BRI3BP: variants seen among roughly 807,000 people sequenced by gnomAD.
The protein encoded by BRI3BP is BRI3-binding protein.
BRI3BP carries 7 observed loss-of-function variants against 15.8 expected under a neutral mutation model. The ratio of observed to expected loss-of-function variants is 0.44; its 90% CI spans 0.25 to 0.83. The LOEUF (loss-of-function observed/expected upper bound fraction) is 0.83, where lower values mean the gene tolerates loss of function less well. Ranked by LOEUF, BRI3BP falls within the 40% of genes least tolerant of loss-of-function variation. The probability of loss-of-function intolerance (pLI) is 0.20; values close to 1 mark genes in which losing one functional copy is unlikely to be tolerated. For missense variants in BRI3BP, 320 were observed against 339.3 expected (o/e 0.94, Z 0.45); for synonymous variants, 192 against 163.5 (o/e 1.17, Z -1.33).
At chr12:125,002,549 G>C (rs11057974) in intron 1 of BRI3BP, among the ~76,000 whole-genome samples, 1 of 150,414 alleles carries the variant, frequency 6.6e-6, no homozygotes, top group Non-Finnish European at 1.5e-5. Context: ...CTCCGCCTCC[G>C]GGGTTCACGC....
At chr12:125,012,994 G>A (rs1370176899) in intron 2 of BRI3BP, among the ~76,000 whole-genome samples, 1 of 152,138 alleles carries the variant, frequency 6.6e-6, no homozygotes, top group African/African-American at 2.4e-5. Context: ...TGAGGCAGGA[G>A]GATTGCCTGA....
intron 1 of BRI3BP, among the ~76,000 whole-genome samples, chr12:125,000,021 T>C (rs1955074945): frequency 1.4e-5 from 2 of 138,970 alleles, no homozygotes; most frequent in African/African-American, 5.4e-5. Context: ...TTTTTCTTTT[T>C]TTTTTTTTTT....
At chr12:125,011,553 C>T (rs1955196297) in intron 1 of BRI3BP, among the ~76,000 whole-genome samples, 1 of 152,090 alleles carries the variant, frequency 6.6e-6, no homozygotes, top group African/African-American at 2.4e-5. Context: ...ACCTGTGCTG[C>T]CATTGCAGAA....
At chr12:125,009,936 T>C (rs1193058027) in intron 1 of BRI3BP, among the ~76,000 whole-genome samples, 1 of 152,060 alleles carries the variant, frequency 6.6e-6, no homozygotes, top group Non-Finnish European at 1.5e-5. Context: ...ACCCCATCTC[T>C]ACTAAAAATA....
intron 2 of BRI3BP, among the ~76,000 whole-genome samples, chr12:125,015,667 T>C (rs1279860837): frequency 2.6e-5 from 4 of 152,224 alleles, no homozygotes; most frequent in Non-Finnish European, 5.9e-5. Flanking sequence ...ATGGGCACAC[T>C]GGTTCATACC....
chr12:125,013,117 C>G (rs1388053524), intron 2 of BRI3BP, among the ~76,000 whole-genome samples: 1 of 152,106 alleles, frequency 6.6e-6, no homozygotes, highest in Non-Finnish European at 1.5e-5. Context: ...AATGGCCCAT[C>G]AAAGCTGAGA....
At chr12:125,006,669 G>A (rs1271345004) in intron 1 of BRI3BP, among the ~76,000 whole-genome samples, 4 of 152,180 alleles carry the variant, frequency 2.6e-5, no homozygotes, top group African/African-American at 7.2e-5. Context: ...TGTGCTGGGC[G>A]CCACGCCGAG....
At chr12:125,006,387 C>T (rs1955144021) in intron 1 of BRI3BP, among the ~76,000 whole-genome samples, 1 of 152,226 alleles carries the variant, frequency 6.6e-6, no homozygotes, top group Admixed American at 6.5e-5. Context: ...CGAATTCACC[C>T]TCTCCTGCCC....
At chr12:125,005,379 C>G (rs746102427) in intron 1 of BRI3BP, among the ~76,000 whole-genome samples, 6 of 152,136 alleles carry the variant, frequency 3.9e-5, no homozygotes, top group Non-Finnish European at 8.8e-5. Flanking sequence ...GGGTCTCACC[C>G]CATAGCATCT....
At chr12:125,012,721 T>A in intron 2 of BRI3BP, 85 bp downstream of exon 2, 1 of 1,075,070 alleles carries the variant, frequency 9.3e-7, no homozygotes, top group Middle Eastern at 2.0e-4. Context: ...CAGTGAGTAA[T>A]ACATGAGAAG....
At chr12:125,011,042 C>T (rs545223761) in intron 1 of BRI3BP, among the ~76,000 whole-genome samples, 3 of 145,536 alleles carry the variant, frequency 2.1e-5, no homozygotes, top group Admixed American at 7.2e-5. Context: ...TGCAGTGAGC[C>T]GAGATCATAC....
At chr12:125,019,610 ATATCT>A (rs992934862) in intron 2 of BRI3BP, among the ~76,000 whole-genome samples, 2 of 146,012 alleles carry the variant, frequency 1.4e-5, no homozygotes, top group African/African-American at 2.6e-5. Context: ...ATTAAACAAA[ATATCT>A]TATTAACATT....
intron 2 of BRI3BP, among the ~76,000 whole-genome samples, chr12:125,023,962 T>C (rs1195112027): frequency 2.6e-5 from 4 of 152,220 alleles, no homozygotes; most frequent in Non-Finnish European, 4.4e-5. Context: ...TCCCAGCTAC[T>C]TGGGAGACTG....
At chr12:125,043,579 C>T in the BRI3BP span, among the ~76,000 whole-genome samples, 23 of 151,416 alleles carry the variant, frequency 1.5e-4, no homozygotes, top group East Asian at 5.8e-4. Context: ...CAAGCATGGC[C>T]GGGTGTGGTG....
chr12:125,004,023 C>T (rs1955121839), intron 1 of BRI3BP, among the ~76,000 whole-genome samples: 1 of 151,438 alleles, frequency 6.6e-6, no homozygotes, highest in Non-Finnish European at 1.5e-5. Context: ...ACCATCATTA[C>T]AGCTTATAAC....
the BRI3BP span, among the ~76,000 whole-genome samples, chr12:125,049,260 A>G: frequency 1.3e-5 from 2 of 152,142 alleles, no homozygotes; most frequent in African/African-American, 4.8e-5. Flanking sequence ...ATCTATCAAA[A>G]GCAGCACCAG....
chr12:125,047,565 G>A, the BRI3BP span, among the ~76,000 whole-genome samples: 2 of 151,824 alleles, frequency 1.3e-5, no homozygotes, highest in East Asian at 1.9e-4. Context: ...TAGTAGAGAC[G>A]GGGTTTTGCC....
chr12:124,994,455 C>T (rs1359143909), intron 1 of BRI3BP, among the ~76,000 whole-genome samples: 1 of 152,176 alleles, frequency 6.6e-6, no homozygotes, highest in African/African-American at 2.4e-5. Context: ...GGACCTTCTG[C>T]CCCACTCCTC....
intron 1 of BRI3BP, among the ~76,000 whole-genome samples, chr12:125,010,518 C>T (rs867287838): frequency 1.3e-5 from 2 of 152,310 alleles, no homozygotes; most frequent in Middle Eastern, 3.4e-3. Context: ...GTGGCTCATG[C>T]CTGTAATCCC....
Sources: allele counts gnomAD v4.1 joint callset (sites outside exome capture counted in the v4.1 genomes callset), GRCh38; gene constraint gnomAD v4.1.1; transcripts MANE v1.5; gene names NCBI Gene and HGNC (gene_info 2026-07-23, HGNC 2026-07-21).